Variants in ACYP2 observed in about 807,000 individuals in gnomAD.
ACYP2 encodes acylphosphatase-2.
ACYP2 carries 12 observed loss-of-function variants against 11.2 expected under a neutral mutation model. That is an observed-to-expected ratio of 1.08 (90% CI 0.69 to 1.74). The LOEUF (loss-of-function observed/expected upper bound fraction) is 1.74. Ranked by LOEUF, ACYP2 falls within the 40% of genes most tolerant of loss-of-function variation. The pLI is 0.00. For synonymous variants in ACYP2, 43 were observed against 32.2 expected, an observed-to-expected ratio of 1.33 and a Z score of -1.13; for missense variants, 134 against 101.9, an observed-to-expected ratio of 1.31 and a Z score of -1.35.
intron 4 of ACYP2, among the ~76,000 whole-genome samples, chr2:54,133,174 C>A (rs993536637): frequency 9.9e-5 from 15 of 152,234 alleles, no homozygotes; most frequent in Admixed American, 5.2e-4. Flanking sequence ...CCCTTGGCAA[C>A]TGACAATCAG....
intron 4 of ACYP2, 195 bp from the exon 1 acceptor site, chr2:54,115,420 G>C (rs1381131191): frequency 1.5e-6 from 1 of 677,944 alleles, no homozygotes; most frequent in African/African-American, 1.9e-5. Flanking sequence ...GGTAGGGAGC[G>C]CTGTGGAGAC....
At chr2:54,289,390 G>A (rs964973165) in intron 6 of ACYP2, among the ~76,000 whole-genome samples, 23 of 151,884 alleles carry the variant, frequency 1.5e-4, no homozygotes, top group African/African-American at 5.1e-4. Context: ...TTGTTACTAG[G>A]GTGACAATTC....
At chr2:54,169,845 C>G (rs1164480080) in intron 6 of ACYP2, among the ~76,000 whole-genome samples, 1 of 152,178 alleles carries the variant, frequency 6.6e-6, no homozygotes, top group East Asian at 1.9e-4. Flanking sequence ...CCCATCCCAT[C>G]CCACTCCTCA....
chr2:54,216,370 A>G (rs1685559741), intron 6 of ACYP2, among the ~76,000 whole-genome samples: 1 of 152,176 alleles, frequency 6.6e-6, no homozygotes, highest in Non-Finnish European at 1.5e-5. Context: ...ATATGTCTAG[A>G]ATAATTTGTC....
intron 4 of ACYP2, among the ~76,000 whole-genome samples, chr2:54,093,245 A>C (rs2103685312): frequency 6.6e-6 from 1 of 152,332 alleles, no homozygotes; most frequent in African/African-American, 2.4e-5. Context: ...GGGTGATAAA[A>C]ATCAATATGT....
chr2:54,038,687 A>ATG (rs1553359018), intron 2 of ACYP2, among the ~76,000 whole-genome samples: 1 of 42,612 alleles, frequency 2.3e-5, no homozygotes, highest in Non-Finnish European at 5.4e-5. Context: ...ATATATATAT[A>ATG]TATATATATA....
chr2:54,269,197 G>A (rs1368471294), intron 6 of ACYP2, among the ~76,000 whole-genome samples: 1 of 152,088 alleles, frequency 6.6e-6, no homozygotes, highest in Non-Finnish European at 1.5e-5. Flanking sequence ...ATTATTCCAG[G>A]TCAGCCTCCC....
At position 54,172,354 on chromosome 2, in the gene ACYP2, T is replaced by A. The variant is rs534102747; in HGVS notation, c.404+33606T>A. Among the ~76,000 whole-genome samples the A allele has an allele frequency of 2.6e-5, 4 of 152,348 alleles. 1 individual carries two copies. Among genetic ancestry groups the A allele is most frequent in the African/African-American group, 9.6e-5 (4 of 41,584 alleles). ...GCAAAGCTTTTAAAATTGAAGATGT[T>A]TCATATGATCATGTGCTTTGTTTAT... On this transcript the variant is annotated intron_variant, in intron 6 of 6. Transcript: ENST00000607452.
At chr2:54,024,109 C>T (rs1437301133) in intron 2 of ACYP2, among the ~76,000 whole-genome samples, 6 of 152,150 alleles carry the variant, frequency 3.9e-5, no homozygotes, top group African/African-American at 1.2e-4. Flanking sequence ...TGCGGTGGCT[C>T]ATGCCTGTAA....
chr2:54,254,873 G>A lies in ACYP2; in HGVS notation c.405-49815G>A, dbSNP rs777164495. The A allele has an allele frequency of 3.8e-6, 6 of 1,571,124 alleles. No individual in the cohort carries two copies. In the African/African-American group the frequency reaches 6.8e-5, roughly 18 times the overall value. ...CTGTTGCCCAAGCTCAGGTCCAGCT[G>A]GTGGTGGCAGGCAACCTTCTGCAGG... is the stretch of plus-strand genomic sequence containing the variant. On this transcript the variant is annotated intron_variant, in intron 6 of 6. Transcript: ENST00000607452.
At chr2:54,201,211 T>C (rs1684739838) in intron 6 of ACYP2, among the ~76,000 whole-genome samples, 1 of 152,002 alleles carries the variant, frequency 6.6e-6, no homozygotes, top group Admixed American at 6.6e-5. Flanking sequence ...GTTCACGCCA[T>C]TCTCCTGCCT....
At chr2:53,989,005 C>T (rs1437270682) in intron 2 of ACYP2, among the ~76,000 whole-genome samples, 5 of 152,068 alleles carry the variant, frequency 3.3e-5, no homozygotes, top group Admixed American at 6.6e-5. Context: ...GCCTCGGCCT[C>T]CCAAAGTGCT....
At chr2:53,976,977 G>C (rs143587859) in intron 2 of ACYP2, among the ~76,000 whole-genome samples, 15 of 152,084 alleles carry the variant, frequency 9.9e-5, no homozygotes, top group African/African-American at 3.4e-4. Context: ...CTATTTTTTT[G>C]TAATTTCTTT....
At chr2:54,033,317 C>A (rs1481610535) in intron 2 of ACYP2, among the ~76,000 whole-genome samples, 1 of 151,900 alleles carries the variant, frequency 6.6e-6, no homozygotes, top group African/African-American at 2.4e-5. Flanking sequence ...CCGACCTCAC[C>A]CTTCCAAGTA....
At chr2:54,261,536 T>G (rs920597542) in intron 6 of ACYP2, among the ~76,000 whole-genome samples, 1 of 152,150 alleles carries the variant, frequency 6.6e-6, no homozygotes, top group Non-Finnish European at 1.5e-5. Context: ...CAGAAAAACA[T>G]GATGTTTTAA....
intron 4 of ACYP2, among the ~76,000 whole-genome samples, chr2:54,089,838 C>T (rs1678128787): frequency 6.6e-6 from 1 of 151,972 alleles, no homozygotes; most frequent in African/African-American, 2.4e-5. Context: ...GAATTAAGGA[C>T]TTTTTAACTA....
intron 2 of ACYP2, among the ~76,000 whole-genome samples, chr2:53,996,946 A>G (rs185008076): frequency 1.8e-4 from 27 of 152,326 alleles, no homozygotes; most frequent in African/African-American, 5.8e-4. Flanking sequence ...TGTACAAAAT[A>G]AAGCCCAGAC....
intron 2 of ACYP2, among the ~76,000 whole-genome samples, chr2:54,035,511 C>T (rs750372644): frequency 9.2e-5 from 14 of 151,994 alleles, no homozygotes; most frequent in Non-Finnish European, 1.8e-4. Flanking sequence ...GTGATCCACC[C>T]GCCTCGGCCT....
At chr2:53,992,996 A>G (rs1672382586) in intron 2 of ACYP2, among the ~76,000 whole-genome samples, 1 of 152,076 alleles carries the variant, frequency 6.6e-6, no homozygotes, top group Non-Finnish European at 1.5e-5. Flanking sequence ...ACTTGAATCC[A>G]GGAGTTCGAG....
Sources: allele counts gnomAD v4.1 joint callset (sites outside exome capture counted in the v4.1 genomes callset), GRCh38; gene constraint gnomAD v4.1.1; transcripts MANE v1.5; gene names NCBI Gene and HGNC (gene_info 2026-07-23, HGNC 2026-07-21).